BBOX1: variants seen among roughly 807,000 people sequenced by gnomAD.
The protein encoded by BBOX1 is gamma-butyrobetaine hydroxylase 1.
Under a neutral mutation model 41.6 loss-of-function variants are expected in BBOX1, and 35 were observed. The observed-to-expected ratio is 0.84, with a 90% confidence interval of 0.64 to 1.11. The LOEUF is 1.11. Among genes scored for constraint, BBOX1 ranks in the 50% most tolerant of loss-of-function variants. BBOX1 has a pLI of 0.00. For missense variants in BBOX1, 458 were observed against 460.6 expected, an observed-to-expected ratio of 0.99 and a Z score of 0.05; for synonymous variants, 163 against 154.7, an observed-to-expected ratio of 1.05 and a Z score of -0.40.
intron 4 of BBOX1, among the ~76,000 whole-genome samples, chr11:27,084,410 A>AAGACATGTAGAAT (rs1857960425): frequency 1.3e-5 from 2 of 152,090 alleles, no homozygotes; most frequent in East Asian, 3.9e-4. Context: ...AGTGATCAGA[A>AAGACATGTAGAAT]TCTTGAAAGA....
chr11:27,057,356 C>G (rs930689435), intron 4 of BBOX1, 41 bp downstream of exon 4: 2 of 1,454,138 alleles, frequency 1.4e-6, no homozygotes, highest in South Asian at 1.2e-5. Context: ...TAAACCCTTA[C>G]AGTAAAGGAT....
intron 2 of BBOX1, among the ~76,000 whole-genome samples, chr11:27,048,346 T>A (rs1355177306): frequency 6.6e-6 from 1 of 152,082 alleles, no homozygotes; most frequent in African/African-American, 2.4e-5. Context: ...ATAAGTGATA[T>A]CATATTGCAT....
At chr11:27,078,795 G>GCT (rs1857724175) in intron 4 of BBOX1, among the ~76,000 whole-genome samples, 1 of 152,172 alleles carries the variant, frequency 6.6e-6, no homozygotes, top group Admixed American at 6.6e-5. Flanking sequence ...ACACTTTGGA[G>GCT]TCAGAAGAGC....
intron 5 of BBOX1, among the ~76,000 whole-genome samples, chr11:27,094,231 T>C (rs1346513524): frequency 6.6e-6 from 1 of 151,974 alleles, no homozygotes; most frequent in African/African-American, 2.4e-5. Context: ...GGTTAAACAC[T>C]AACAACAGGA....
At chr11:27,061,758 T>A (rs11029818) in intron 4 of BBOX1, among the ~76,000 whole-genome samples, 11,340 of 152,106 alleles carry the variant, frequency 0.075, 1,371 homozygotes, top group African/African-American at 0.26. Flanking sequence ...CAAATGATCA[T>A]CATCCAAAAA....
At chr11:27,073,634 T>A (rs1025303978) in intron 4 of BBOX1, among the ~76,000 whole-genome samples, 5 of 152,038 alleles carry the variant, frequency 3.3e-5, no homozygotes, top group Admixed American at 3.3e-4. Flanking sequence ...GCGGCACTAT[T>A]CACAATAGCA....
intron 5 of BBOX1, among the ~76,000 whole-genome samples, chr11:27,108,647 T>C (rs529445816): frequency 6.6e-6 from 1 of 152,166 alleles, no homozygotes; most frequent in East Asian, 1.9e-4. Flanking sequence ...CAGCAGACTA[T>C]AATACTCCAT....
chr11:27,041,116 C>T (rs1048535461), intron 1 of BBOX1, 88 bp downstream of exon 1: 6 of 151,816 alleles, frequency 4.0e-5, no homozygotes, highest in African/African-American at 1.4e-4. Flanking sequence ...GTTTTGGGAA[C>T]CAACAGTACT....
intron 7 of BBOX1, among the ~76,000 whole-genome samples, chr11:27,122,195 A>G (rs1859488723): frequency 6.6e-6 from 1 of 152,158 alleles, no homozygotes; most frequent in African/African-American, 2.4e-5. Context: ...AATTCAGTAC[A>G]AAGAAAAATA....
intron 4 of BBOX1, among the ~76,000 whole-genome samples, chr11:27,090,755 C>G (rs1443578808): frequency 6.6e-6 from 1 of 151,862 alleles, no homozygotes; most frequent in African/African-American, 2.4e-5. Context: ...ATATCTCAGT[C>G]CTTATCTCAA....
chr11:27,053,540 C>A (rs1445317), intron 2 of BBOX1, among the ~76,000 whole-genome samples: 79,177 of 152,044 alleles, frequency 0.52, 20,878 homozygotes, highest in African/African-American at 0.61. Context: ...CCCTTGACAC[C>A]GGTTAAAATG....
At chr11:27,120,918 C>T (rs889183131) in intron 7 of BBOX1, among the ~76,000 whole-genome samples, 3 of 151,980 alleles carry the variant, frequency 2.0e-5, no homozygotes, top group African/African-American at 7.2e-5. Context: ...AGATCTCTCC[C>T]CTCATATAGC....
chr11:27,103,398 T>TG (rs1171295919), intron 5 of BBOX1, among the ~76,000 whole-genome samples: 1 of 152,130 alleles, frequency 6.6e-6, no homozygotes, highest in Non-Finnish European at 1.5e-5. Flanking sequence ...TCCTTTGCTT[T>TG]GGGCTTCTTC....
At chr11:27,067,459 G>A (rs1395657654) in intron 4 of BBOX1, among the ~76,000 whole-genome samples, 1 of 151,912 alleles carries the variant, frequency 6.6e-6, no homozygotes, top group African/African-American at 2.4e-5. Context: ...TCCGGGCCAG[G>A]CGCGGTGGCT....
intron 6 of BBOX1, among the ~76,000 whole-genome samples, chr11:27,118,569 A>G (rs1385418723): frequency 6.6e-6 from 1 of 152,026 alleles, no homozygotes; most frequent in Non-Finnish European, 1.5e-5. Context: ...CACATGCTGC[A>G]TAAAGTAACA....
chr11:27,115,130 C>T (rs1452675694), intron 5 of BBOX1, among the ~76,000 whole-genome samples: 1 of 151,854 alleles, frequency 6.6e-6, no homozygotes, highest in African/African-American at 2.4e-5. Context: ...GTTATGTGAA[C>T]TTCACCTCAA....
At chr11:27,101,584 T>A (rs1283001267) in intron 5 of BBOX1, among the ~76,000 whole-genome samples, 1 of 152,152 alleles carries the variant, frequency 6.6e-6, no homozygotes, top group Non-Finnish European at 1.5e-5. Context: ...TAACTTTTTC[T>A]TTATGTTTTT....
At chr11:27,099,712 G>A (rs778438116) in intron 5 of BBOX1, among the ~76,000 whole-genome samples, 7 of 152,124 alleles carry the variant, frequency 4.6e-5, no homozygotes, top group East Asian at 3.9e-4. Context: ...GCGAGAAGTC[G>A]ATCTGAGCTT....
intron 5 of BBOX1, among the ~76,000 whole-genome samples, chr11:27,093,923 G>A (rs148125705): frequency 2.0e-4 from 31 of 151,908 alleles, no homozygotes; most frequent in African/African-American, 7.2e-4. Flanking sequence ...TGAATTTGGG[G>A]GGACATAATT....
Sources: allele counts gnomAD v4.1 joint callset (sites outside exome capture counted in the v4.1 genomes callset), GRCh38; gene constraint gnomAD v4.1.1; transcripts MANE v1.5; gene names NCBI Gene and HGNC (gene_info 2026-07-23, HGNC 2026-07-21).